Variants in PRPF6 observed in about 807,000 individuals in gnomAD.
PRPF6 encodes the protein pre-mRNA processing factor 6.
PRPF6 carries 42 observed loss-of-function variants against 118.3 expected under a neutral mutation model. The observed-to-expected ratio is 0.35, with a 90% CI of 0.28 to 0.46. The LOEUF (loss-of-function observed/expected upper bound fraction) is 0.46. Among genes scored for constraint, PRPF6 ranks in the 20% least tolerant of loss-of-function variants. The pLI is 1.00. For missense variants in PRPF6, 662 were observed against 1,255.7 expected (o/e 0.53, Z 7.15); for synonymous variants, 481 against 485.1 (o/e 0.99, Z 0.11).
In PRPF6 at chr20:63,995,134, G is replaced by A. The variant is rs758389287; in HGVS notation, c.615+42G>A. 5 of 1,612,928 alleles carry A rather than the reference G, an allele frequency of 3.1e-6. No homozygotes were observed. The Admixed American group carries it at 8.3e-5, about 27-fold the overall frequency. On this transcript the variant is annotated intron_variant, in intron 5 of 20. Transcript: ENST00000266079. ...GGGCACATGTGGCCCATTTAGTCCT[G>A]TTAGATCAGTGGCAGGAATGGTGGG...
In PRPF6 at chr20:64,012,958, T is replaced by C. The variant is rs969099514; in HGVS notation, c.1524+1455T>C. ...TACTCTTCCCCTCTCCCCCACACCCTTTTTTTTTTTTTTTTTTTGAGAGGG... is the reference window on the plus strand; with the variant it reads ...TACTCTTCCCCTCTCCCCCACACCCCTTTTTTTTTTTTTTTTTTGAGAGGG... On this transcript the variant is annotated intron_variant, in intron 11 of 20. Coordinates refer to ENST00000266079, the MANE Select transcript of PRPF6 (RefSeq NM_012469.4). 1.0e-4 allele frequency among the ~76,000 whole-genome samples: 12 copies of C among 119,082 alleles called. No individual in the cohort carries two copies. In the East Asian group the frequency reaches 1.3e-3, roughly 13 times the overall value. The allele number at this position is 119,082 out of a possible 152,430, so 78.1% of individuals were successfully genotyped here. A position where few individuals can be genotyped will look rare whatever the true frequency, so the allele number is the denominator to read the frequency against.
chr20:63,981,442 C>A, intron 1 of PRPF6, 126 bp downstream of exon 1: 1 of 948,710 alleles, frequency 1.1e-6, no homozygotes, highest in Non-Finnish European at 1.6e-6. Flanking sequence ...TCGGCTTAAT[C>A]CCTGCAGGAA....
chr20:63,989,393 A>G (rs1249739777), intron 3 of PRPF6, among the ~76,000 whole-genome samples: 2 of 152,162 alleles, frequency 1.3e-5, no homozygotes, highest in Non-Finnish European at 2.9e-5. Context: ...CCGTGAGCCA[A>G]GAGTGCGCTA....
Position 64,032,041 on chromosome 20 carries a change from T to C in PRPF6, c.2670T>C (p.Thr890=), listed in dbSNP as rs2059316999. ...FFYKFELQHG[T]EEQQEEVRKR... ...ACAAGTTTGAGCTGCAGCATGGCACTGAGGTGAGGCCCCTCGACAGACCGC... is the reference window on the plus strand; with the variant it reads ...ACAAGTTTGAGCTGCAGCATGGCACCGAGGTGAGGCCCCTCGACAGACCGC... Residue 890 remains threonine, a synonymous_variant, in exon 20 of 21, where the codon ACT becomes ACC. Coordinates refer to ENST00000266079, the MANE Select transcript of PRPF6 (RefSeq NM_012469.4). 2 of 1,614,020 alleles carry C rather than the reference T, an allele frequency of 1.2e-6. No homozygotes were observed. Among genetic ancestry groups the C allele is most frequent in the Non-Finnish European group, 1.7e-6 (2 of 1,180,018 alleles).
chr20:64,022,866 A>G lies in PRPF6; in HGVS notation c.1757A>G (p.Asn586Ser), dbSNP rs1157330248. ...CTGCGCGCCGCGTACTTCGAGAAGA[A>G]CCATGGCACTCGGTATGTGGTGGGA... ...VWLRAAYFEK[N>S]HGTRESLEAL... is the part of the protein sequence containing the mutation. Residue 586 changes from asparagine (N) to serine (S), a missense_variant, in exon 13 of 21, where the codon AAC becomes AGC. Transcript: ENST00000266079. 2 of 1,613,900 alleles carry G rather than the reference A, an allele frequency of 1.2e-6. No individual in the cohort carries two copies. Among genetic ancestry groups the G allele is most frequent in the Non-Finnish European group, 1.7e-6 (2 of 1,180,012 alleles).
At chr20:64,032,711 G>A in intron 20 of PRPF6, 130 bp from the exon 21 acceptor site, 2 of 1,204,990 alleles carry the variant, frequency 1.7e-6, no homozygotes, top group Non-Finnish European at 2.4e-6. Context: ...TGCAGGGCCT[G>A]TGCCCTCTGG....
chr20:64,001,486 G>A lies in PRPF6; in HGVS notation c.1186+247G>A, dbSNP rs554521359. ...TCACTCCTGCCTTTTTCCAGTGTGT[G>A]ATCTTGGATGCTTGGGCGGTCACTC... is the stretch of plus-strand genomic sequence containing the variant. On this transcript the variant is annotated intron_variant, in intron 9 of 20. Coordinates refer to ENST00000266079, the MANE Select transcript of PRPF6 (RefSeq NM_012469.4). Among the ~76,000 whole-genome samples, 12 of 152,322 alleles carry A rather than the reference G, an allele frequency of 7.9e-5. No individual in the cohort carries two copies. In the South Asian group the frequency reaches 2.5e-3, roughly 32 times the overall value.
chr20:64,015,246 C>G (rs961046871), intron 11 of PRPF6, among the ~76,000 whole-genome samples: 10 of 152,180 alleles, frequency 6.6e-5, no homozygotes, highest in African/African-American at 2.4e-4. Context: ...GAGGAAGAGC[C>G]AGCGCAGTTT....
In PRPF6 at chr20:63,995,456, ACT is replaced by A. The variant is rs1405190686; in HGVS notation, c.748_749del (p.Leu250AspfsTer10). The A allele has an allele frequency of 1.9e-6, 3 of 1,613,810 alleles. No individual in the cohort carries two copies. The highest frequency in any genetic ancestry group is 1.1e-5 in the South Asian group (1 of 91,076). On this transcript the variant is annotated frameshift_variant, in exon 6 of 21. Transcript: ENST00000266079. LOFTEE classifies it high-confidence loss of function. ...DMRKIGQARNTLMDMRLSQVS... is the reference protein window; with the variant it reads ...DMRKIGQARNXLMDMRLSQVS... Reference sequence around the variant, plus strand: ...GAGGAAGATTGGCCAAGCGAGGAACACTCTGATGGACATGAGGCTGAGCCAGG... The same window carrying A: ...GAGGAAGATTGGCCAAGCGAGGAACACTGATGGACATGAGGCTGAGCCAGG...
Position 64,011,223 on chromosome 20 carries a change from T to C in PRPF6, c.1306-62T>C. 6.6e-7 allele frequency: 1 copy of C among 1,521,878 alleles called. No individual in the cohort carries two copies. The highest frequency in any genetic ancestry group is 9.1e-7 in the Non-Finnish European group (1 of 1,101,516). 94.3% of individuals were successfully genotyped at this position (1,521,878 alleles called of 1,614,324 possible). On this transcript the variant is annotated intron_variant, in intron 10 of 20. Coordinates refer to ENST00000266079, the MANE Select transcript of PRPF6 (RefSeq NM_012469.4). The surrounding 1 kb of genome is among the most constrained non-coding windows in gnomAD (Gnocchi z 6.7). ...CAACGCTGGAGGGTGGGTCGCTGTC[T>C]GGCCTGCAGCTGTCCCCCCAGCACA...
intron 20 of PRPF6, among the ~76,000 whole-genome samples, chr20:64,032,438 TC>T (rs2145403995): frequency 6.6e-6 from 1 of 152,232 alleles, no homozygotes; most frequent in East Asian, 1.9e-4. Context: ...GCCCCTCTGC[TC>T]CCACCCGCCC....
chr20:63,992,548 C>G (rs149569380), intron 3 of PRPF6, among the ~76,000 whole-genome samples: 6 of 152,104 alleles, frequency 3.9e-5, no homozygotes, highest in Admixed American at 3.3e-4. Context: ...TAAGCCACCA[C>G]GCCTGGCCTT....
chr20:63,983,993 T>C (rs1380933076), intron 2 of PRPF6, among the ~76,000 whole-genome samples: 2 of 152,132 alleles, frequency 1.3e-5, no homozygotes, highest in East Asian at 3.9e-4. Flanking sequence ...GAATTGGTGA[T>C]AGTATTTGCT....
At chr20:64,006,746 C>T (rs1454076034) in intron 9 of PRPF6, among the ~76,000 whole-genome samples, 1 of 152,116 alleles carries the variant, frequency 6.6e-6, no homozygotes. Flanking sequence ...ATTCCTAGAC[C>T]CGTGTGTTCT....
intron 9 of PRPF6, among the ~76,000 whole-genome samples, chr20:64,007,068 G>A (rs950377729): frequency 2.0e-5 from 3 of 152,202 alleles, no homozygotes. Flanking sequence ...GGAGGAAAGC[G>A]GTTGAGCAGC....
chr20:63,985,329 G>T (rs1466276101), intron 3 of PRPF6, among the ~76,000 whole-genome samples: 1 of 150,492 alleles, frequency 6.6e-6, no homozygotes, highest in African/African-American at 2.5e-5. Flanking sequence ...AGCCTGGTTG[G>T]CATAGTGAGA....
chr20:64,012,865 G>C (rs1464771614), intron 11 of PRPF6, among the ~76,000 whole-genome samples: 2 of 150,370 alleles, frequency 1.3e-5, no homozygotes, highest in African/African-American at 4.9e-5. Flanking sequence ...GAAGTCTCAT[G>C]GCTTCTTTCT....
Position 64,001,062 on chromosome 20 carries a change from T to C in PRPF6, c.1024-15T>C, listed in dbSNP as rs573471252. 12 of 1,613,744 alleles carry C rather than the reference T, an allele frequency of 7.4e-6. 1 individual carries two copies. The African/African-American group carries it at 1.1e-4, about 14-fold the overall frequency. The stretch of plus-strand genomic sequence containing the variant: ...CCTGCACTGAGCCTTATTGGTCTTA[T>C]CTCTTGCCTCACAGAGTGAAGATGT... On this transcript the variant is annotated splice_polypyrimidine_tract_variant and intron_variant, in intron 8 of 20. Coordinates refer to ENST00000266079, the MANE Select transcript of PRPF6 (RefSeq NM_012469.4).
At chr20:64,017,639 T>C (rs2059245308) in intron 12 of PRPF6, among the ~76,000 whole-genome samples, 1 of 152,190 alleles carries the variant, frequency 6.6e-6, no homozygotes. Context: ...GCGCCCGGCC[T>C]CCCAGAGTGC....
Sources: allele counts gnomAD v4.1 joint callset (sites outside exome capture counted in the v4.1 genomes callset), GRCh38; gene constraint gnomAD v4.1.1; non-coding constraint Gnocchi (gnomAD v3.1); transcripts MANE v1.5; gene names NCBI Gene and HGNC (gene_info 2026-07-23, HGNC 2026-07-21).